The following MRPS6 variants were observed in gnomAD, a reference collection of about 807,000 sequenced individuals.
The protein encoded by MRPS6 is mitochondrial ribosomal protein S6.
Under a neutral mutation model 13.1 loss-of-function variants are expected in MRPS6, and 6 were observed. The observed-to-expected ratio is 0.46, with a 90% CI of 0.25 to 0.91. MRPS6 has a LOEUF of 0.91. Ranked by LOEUF, MRPS6 falls within the 40% of genes least tolerant of loss-of-function variation. The pLI is 0.18. For synonymous variants in MRPS6, 61 were observed against 56.5 expected (o/e 1.08, Z -0.36); for missense variants, 164 against 155.6 (o/e 1.05, Z -0.29).
intron 1 of MRPS6, chr21:34,104,048 A>G (rs1387120793): frequency 2.0e-6 from 2 of 1,000,028 alleles, no homozygotes; most frequent in Non-Finnish European, 2.4e-6. Flanking sequence ...GCAGAAAGTC[A>G]TACTTTAACA....
intron 1 of MRPS6, among the ~76,000 whole-genome samples, chr21:34,118,541 A>ATTTCTTTC (rs754297980): frequency 0.055 from 7,598 of 137,986 alleles, 258 homozygotes; most frequent in Middle Eastern, 0.12. Flanking sequence ...GTTACTCCAC[A>ATTTCTTTC]TTTCTTTCTT....
chr21:34,077,097 G>A (rs1034691786), intron 1 of MRPS6, among the ~76,000 whole-genome samples: 10 of 152,184 alleles, frequency 6.6e-5, no homozygotes, highest in African/African-American at 2.4e-4. Context: ...ATGAGGAGAA[G>A]GGGTCATGTG....
rs1399357310 is a variant in MRPS6 at position 34,093,448 on chromosome 21, T to C, written c.45+19703T>C. On this transcript the variant is annotated intron_variant, in intron 1 of 2. Coordinates refer to ENST00000399312, the MANE Select transcript of MRPS6 (RefSeq NM_032476.4). ...CCTAATTTTGTAGGGCAGTAGTCTC[T>C]AGGCATTATGTTTAGCTCCTTTTGT... 2.6e-5 allele frequency among the ~76,000 whole-genome samples: 4 copies of C among 152,204 alleles called. No homozygotes were observed. In the East Asian group the frequency reaches 5.8e-4, roughly 22 times the overall value.
chr21:34,109,674 C>T (rs191428600), intron 1 of MRPS6, among the ~76,000 whole-genome samples: 149 of 152,262 alleles, frequency 9.8e-4, no homozygotes, highest in Non-Finnish European at 1.7e-3. Flanking sequence ...ACTTCACCCC[C>T]ACTTCCCAGA....
At chr21:34,074,310 C>T (rs1051648971) in intron 1 of MRPS6, among the ~76,000 whole-genome samples, 3 of 152,190 alleles carry the variant, frequency 2.0e-5, no homozygotes, top group African/African-American at 4.8e-5. Flanking sequence ...ATTCCAGTCT[C>T]TTGCAATCGC....
Position 34,096,177 on chromosome 21 carries a change from G to C in MRPS6, c.45+22432G>C, listed in dbSNP as rs1978956492. 6.2e-7 allele frequency: 1 copy of C among 1,614,176 alleles called. No homozygotes were observed. Among genetic ancestry groups the C allele is most frequent in the South Asian group, 1.1e-5 (1 of 91,082 alleles). On this transcript the variant is annotated intron_variant, in intron 1 of 2. Transcript: ENST00000399312. The surrounding 1 kb of genome is among the most constrained non-coding windows in gnomAD (Gnocchi z 5.9). ...GATTTCCAGGATACTGTTTACTGAT[G>C]ATATAGCTTGCATCAACCCAGAGCA...
intron 1 of MRPS6, chr21:34,097,727 T>C: frequency 9.9e-7 from 1 of 1,008,042 alleles, no homozygotes; most frequent in Non-Finnish European, 1.2e-6. Flanking sequence ...AAGTAGAAGA[T>C]TTGCTCATTT....
intron 1 of MRPS6, among the ~76,000 whole-genome samples, chr21:34,074,057 C>G (rs1478349452): frequency 2.7e-5 from 4 of 145,550 alleles, no homozygotes; most frequent in African/African-American, 1.0e-4. Flanking sequence ...ATCCCGGCGC[C>G]GGCCCGCGGG....
rs1342327986 is a variant in MRPS6, at chr21:34,123,554, T to A, written c.46-1787T>A. On this transcript the variant is annotated intron_variant, in intron 1 of 2. Coordinates refer to ENST00000399312, the MANE Select transcript of MRPS6 (RefSeq NM_032476.4). ...ATCTGTAAACCTTCTTGGCTTTTTT[T>A]TTTTATGAAGATAAAATATGTAACA... The A allele has an allele frequency of 2.0e-5, 3 of 152,272 alleles. No individual in the cohort carries two copies. The East Asian group carries it at 5.8e-4, about 29-fold the overall frequency. The allele number at this position is 152,272 out of a possible 1,614,324, so 9.4% of individuals were successfully genotyped here. A position where few individuals can be genotyped will look rare whatever the true frequency, so the allele number is the denominator to read the frequency against.
At chr21:34,138,139 AT>A (rs779687795) in intron 2 of MRPS6, among the ~76,000 whole-genome samples, 16 of 151,450 alleles carry the variant, frequency 1.1e-4, no homozygotes, top group Non-Finnish European at 1.5e-4. Context: ...TTCTCGGTGA[AT>A]TTGTATCAGA....
At chr21:34,080,777 ATACT>A (rs1490911659) in intron 1 of MRPS6, among the ~76,000 whole-genome samples, 1 of 152,234 alleles carries the variant, frequency 6.6e-6, no homozygotes, top group Admixed American at 6.5e-5. Flanking sequence ...TATATGGTAG[ATACT>A]TACTAAGCTG....
chr21:34,103,236 T>C (rs948819986), intron 1 of MRPS6: 6 of 999,664 alleles, frequency 6.0e-6, no homozygotes, highest in Non-Finnish European at 7.2e-6. Context: ...TTGACTCTGC[T>C]AGTTTGCACC....
intron 1 of MRPS6, among the ~76,000 whole-genome samples, chr21:34,075,147 A>G (rs543661780): frequency 2.0e-5 from 3 of 152,372 alleles, no homozygotes; most frequent in Non-Finnish European, 2.9e-5. Flanking sequence ...GAAGTTGTTT[A>G]AGCCCTCCCT....
chr21:34,137,191 T>G (rs954996197), intron 2 of MRPS6, among the ~76,000 whole-genome samples: 2 of 152,216 alleles, frequency 1.3e-5, no homozygotes, highest in Non-Finnish European at 2.9e-5. Context: ...TCTAGGGTTT[T>G]GATTGAGGTT....
intron 1 of MRPS6, chr21:34,104,428 T>A: frequency 1.0e-6 from 1 of 1,000,160 alleles, no homozygotes; most frequent in South Asian, 4.7e-5. Context: ...TTGTCTTAAA[T>A]TTTGCCCATG....
intron 1 of MRPS6, among the ~76,000 whole-genome samples, chr21:34,074,329 T>A (rs1036012654): frequency 1.3e-5 from 2 of 151,744 alleles, no homozygotes; most frequent in Non-Finnish European, 2.9e-5. Flanking sequence ...GCTCTCATGT[T>A]AAAAAAAAAT....
intron 1 of MRPS6, among the ~76,000 whole-genome samples, chr21:34,088,756 C>T (rs1978527705): frequency 6.6e-6 from 1 of 152,106 alleles, no homozygotes; most frequent in African/African-American, 2.4e-5. Flanking sequence ...GTTTTCTCAT[C>T]TGTAAAATGG....
intron 1 of MRPS6, chr21:34,105,340 T>C (rs1306158265): frequency 6.0e-6 from 6 of 999,614 alleles, no homozygotes; most frequent in Non-Finnish European, 7.2e-6. Context: ...ATATCAAAAA[T>C]AGTTGCTGTG....
intron 1 of MRPS6, chr21:34,095,060 G>T: frequency 1.0e-6 from 1 of 1,000,000 alleles, no homozygotes; most frequent in Non-Finnish European, 1.3e-6. Flanking sequence ...CAAACCAAAG[G>T]ACAAAGACTT....
Sources: gnomAD v4.1 joint callset for allele counts (sites outside exome capture counted in the v4.1 genomes callset) on GRCh38, gnomAD v4.1.1 for gene constraint, Gnocchi (gnomAD v3.1) non-coding constraint, MANE v1.5 for transcripts, NCBI Gene and HGNC (gene_info 2026-07-23, HGNC 2026-07-21) for gene names.